Variants in F10 observed in about 807,000 individuals in gnomAD.
F10 encodes coagulation factor X, also known as Stuart-Prower factor.
A neutral mutation model predicts 37.1 loss-of-function variants in F10; 29 were observed. The ratio of observed to expected loss-of-function variants is 0.78; its 90% CI spans 0.58 to 1.07. F10 has a LOEUF of 1.07. Ranked by LOEUF, F10 falls within the 50% of genes least tolerant of loss-of-function variation. The pLI is 0.00. For synonymous variants in F10, 262 were observed against 268.6 expected, an observed-to-expected ratio of 0.98 and a Z score of 0.24; for missense variants, 539 against 667.9, an observed-to-expected ratio of 0.81 and a Z score of 2.13.
intron 2 of F10, among the ~76,000 whole-genome samples, chr13:113,136,633 CTTTTTTTTTTT>C (rs1170291536): frequency 1.7e-4 from 1 of 6,020 alleles, no homozygotes; most frequent in African/African-American, 3.1e-4. Context: ...AATTCTTGTA[CTTTTTTTTTTT>C]TTTTTTTTTT....
chr13:113,131,302 T>G (rs1324219295), intron 2 of F10: 1 of 152,230 alleles, frequency 6.6e-6, no homozygotes, highest in Non-Finnish European at 1.5e-5. Context: ...AATAAGAGAA[T>G]GTATTTGATT....
chr13:113,142,716 A>C (rs1350507600), intron 5 of F10, among the ~76,000 whole-genome samples: 2 of 147,446 alleles, frequency 1.4e-5, no homozygotes, highest in Non-Finnish European at 3.0e-5. Context: ...ACCTGAGGTC[A>C]GGAGTTCAAG....
chr13:113,149,472 C>A lies in F10; in HGVS notation c.1422C>A (p.Ala474=), dbSNP rs1347133241. 1 of 1,613,204 alleles carries A rather than the reference C, an allele frequency of 6.2e-7. No homozygotes were observed. Among genetic ancestry groups the A allele is most frequent in the African/African-American group, 1.3e-5 (1 of 74,952 alleles). ...RSMKTRGLPK[A]KSHAPEVITS... ...TGAAAACCAGGGGCTTGCCCAAGGC[C>A]AAGAGCCATGCCCCGGAGGTCATAA... is the stretch of plus-strand genomic sequence containing the variant. Residue 474 remains alanine, a synonymous_variant, in exon 8 of 8, where the codon GCC becomes GCA. Transcript: ENST00000375559. The surrounding 1 kb of genome is among the most constrained non-coding windows in gnomAD (Gnocchi z 7.5).
At position 113,149,369 on chromosome 13, in the gene F10, G is replaced by A; in HGVS notation, c.1319G>A (p.Gly440Glu). The A allele has an allele frequency of 6.2e-7, 1 of 1,613,372 alleles. No individual in the cohort carries two copies. Among genetic ancestry groups the A allele is most frequent in the Non-Finnish European group, 8.5e-7 (1 of 1,179,920 alleles). Residue 440 changes from glycine to glutamate, a missense_variant, in exon 8 of 8, where the codon GGA becomes GAA. Gly to Glu is a moderately conservative substitution (Grantham distance 98, BLOSUM62 -2). This residue lies in a region of F10 where 409 missense variants were observed against 547.9 expected (regional missense o/e 0.75). Coordinates refer to ENST00000375559, the MANE Select transcript of F10 (RefSeq NM_000504.4). The surrounding 1 kb of genome is among the most constrained non-coding windows in gnomAD (Gnocchi z 7.5). ...TTCGTGACAGGCATCGTCAGCTGGGGAGAGGGCTGTGCCCGTAAGGGGAAG... is the reference window on the plus strand; with the variant it reads ...TTCGTGACAGGCATCGTCAGCTGGGAAGAGGGCTGTGCCCGTAAGGGGAAG... ...TYFVTGIVSWGEGCARKGKYG... is the reference protein window; with the variant it reads ...TYFVTGIVSWEEGCARKGKYG...
Position 113,139,743 on chromosome 13 carries a change from G to A in F10, c.370+273G>A, listed in dbSNP as rs1384445614. 1.3e-5 allele frequency among the ~76,000 whole-genome samples: 2 copies of A among 151,932 alleles called. No individual in the cohort carries two copies. The highest frequency in any genetic ancestry group is 4.8e-5 in the African/African-American group (2 of 41,350). On this transcript the variant is annotated intron_variant, in intron 4 of 7. Coordinates refer to ENST00000375559, the MANE Select transcript of F10 (RefSeq NM_000504.4). This position sits in a 1 kb window ranked among gnomAD's most constrained non-coding sequence, Gnocchi z 5.2. ...AGAGACTGTAGAACATTGATGAAGC[G>A]TGTGATCCATTCATGTGTAAACAGG...
At chr13:113,130,131 C>T in intron 2 of F10, 1 of 193,468 alleles carries the variant, frequency 5.2e-6, no homozygotes, top group South Asian at 9.5e-5. Flanking sequence ...GGCCGGGCGG[C>T]GAACCCGGCA....
intron 2 of F10, chr13:113,130,839 A>G (rs1378896131): frequency 6.6e-6 from 1 of 152,266 alleles, no homozygotes; most frequent in African/African-American, 2.4e-5. Flanking sequence ...TCAAGGAATT[A>G]TAAGTCAATA....
Position 113,141,093 on chromosome 13 carries a change from C to T in F10, c.502+43C>T, listed in dbSNP as rs548677950. On this transcript the variant is annotated intron_variant, in intron 5 of 7. Transcript: ENST00000375559. This position sits in a 1 kb window ranked among gnomAD's most constrained non-coding sequence, Gnocchi z 5.4. ...CCACAGCCACCCGCTGCCGCTGGGC[C>T]GGGCCAGGGAGGACAAGCCCGTGCC... The T allele has an allele frequency of 1.5e-4, 243 of 1,610,220 alleles. 3 individuals carry two copies. The South Asian group carries it at 2.0e-3, about 13-fold the overall frequency.
rs45484091 is a variant in F10, at chr13:113,146,412, G to T, written c.748-967G>T. Among the ~76,000 whole-genome samples, 13 of 152,150 alleles carry T rather than the reference G, an allele frequency of 8.5e-5. No homozygotes were observed. Among genetic ancestry groups the T allele is most frequent in the African/African-American group, 3.1e-4 (13 of 41,436 alleles). ...TGGAGCTGCAGGCGGGGTTTTGGAG[G>T]GGTTCCTGGGCTGGGGGACCAGGGT... On this transcript the variant is annotated intron_variant, in intron 6 of 7. Coordinates refer to ENST00000375559, the MANE Select transcript of F10 (RefSeq NM_000504.4). This position sits in a 1 kb window ranked among gnomAD's most constrained non-coding sequence, Gnocchi z 4.5.
chr13:113,125,166 C>A (rs1322556574), intron 1 of F10, among the ~76,000 whole-genome samples: 1 of 152,226 alleles, frequency 6.6e-6, no homozygotes, highest in Non-Finnish European at 1.5e-5. Flanking sequence ...CCCTGTCCTG[C>A]CACCTGTGAG....
chr13:113,123,028 C>G, intron 1 of F10, 103 bp downstream of exon 1: 1 of 1,343,996 alleles, frequency 7.4e-7, no homozygotes, highest in Non-Finnish European at 1.0e-6. Flanking sequence ...CGGTGGGTGC[C>G]TTGAGTGCTG....
intron 4 of F10, chr13:113,140,619 G>A (rs1595094050): frequency 1.6e-6 from 1 of 608,734 alleles, no homozygotes; most frequent in Non-Finnish European, 3.2e-6. Flanking sequence ...CACACAGAGG[G>A]ATGTGGAGTG....
At position 113,141,391 on chromosome 13, in the gene F10, T is replaced by G. The variant is rs527772414; in HGVS notation, c.502+341T>G. On this transcript the variant is annotated intron_variant, in intron 5 of 7. Coordinates refer to ENST00000375559, the MANE Select transcript of F10 (RefSeq NM_000504.4). The surrounding 1 kb of genome is among the most constrained non-coding windows in gnomAD (Gnocchi z 5.4). ...GCCCACCGCAGGCCCTCAGTCTGCA[T>G]TGGGACTGTGGGGGGATCCAGTGCA... Among the ~76,000 whole-genome samples the G allele has an allele frequency of 6.6e-6, 1 of 152,156 alleles. No homozygotes were observed. The highest frequency in any genetic ancestry group is 2.4e-5 in the African/African-American group (1 of 41,448).
chr13:113,148,374 A>G lies in F10; in HGVS notation c.866-542A>G, dbSNP rs1352386096. On this transcript the variant is annotated intron_variant, in intron 7 of 7. Coordinates refer to ENST00000375559, the MANE Select transcript of F10 (RefSeq NM_000504.4). ...TATATATATATATATGTATATATATATGTGTATATATATATACATATATAT... is the reference window on the plus strand; with the variant it reads ...TATATATATATATATGTATATATATGTGTGTATATATATATACATATATAT... Among the ~76,000 whole-genome samples the G allele has an allele frequency of 1.0e-4, 7 of 69,554 alleles. No homozygotes were observed. The South Asian group carries it at 2.9e-3, about 29-fold the overall frequency. 45.6% of individuals were successfully genotyped at this position (69,554 alleles called of 152,430 possible). A position where few individuals can be genotyped will look rare whatever the true frequency, so the allele number is the denominator to read the frequency against.
chr13:113,147,528 G>C (rs751012368), intron 7 of F10, 32 bp downstream of exon 7: 2 of 1,351,644 alleles, frequency 1.5e-6, no homozygotes, highest in Admixed American at 3.3e-5. Flanking sequence ...GGGCCGTGGT[G>C]AGGGGCACCG....
Position 113,143,838 on chromosome 13 carries a change from C to G in F10, c.503-13C>G. The G allele has an allele frequency of 6.2e-7, 1 of 1,611,568 alleles. No homozygotes were observed. On this transcript the variant is annotated splice_polypyrimidine_tract_variant and intron_variant, in intron 5 of 7. Transcript: ENST00000375559. This position sits in a 1 kb window ranked among gnomAD's most constrained non-coding sequence, Gnocchi z 6.8. The stretch of plus-strand genomic sequence containing the variant: ...CTCTGTGCTGAAGGCCCCGGCCGTC[C>G]TCTTTCTTTCAGGGCCCTACCCCTG...
In F10 at chr13:113,146,293, C is replaced by G. The variant is rs1222236488; in HGVS notation, c.748-1086C>G. Among the ~76,000 whole-genome samples, 1 of 152,136 alleles carries G rather than the reference C, an allele frequency of 6.6e-6. No individual in the cohort carries two copies. The highest frequency in any genetic ancestry group is 1.5e-5 in the Non-Finnish European group (1 of 68,032). ...AGCTGAGACCGAAATCCTCCCAGTC[C>G]CAGGCACTGTGTGGTTGGGGCAAGA... On this transcript the variant is annotated intron_variant, in intron 6 of 7. Transcript: ENST00000375559. The surrounding 1 kb of genome is among the most constrained non-coding windows in gnomAD (Gnocchi z 4.5).
intron 2 of F10, chr13:113,129,956 T>C (rs899652442): frequency 2.8e-6 from 1 of 352,916 alleles, no homozygotes; most frequent in Non-Finnish European, 5.6e-6. Context: ...CCTCGCCGAG[T>C]TGCAGTGAGC....
At chr13:113,138,076 G>C (rs3211764) in intron 2 of F10, among the ~76,000 whole-genome samples, 61,939 of 152,080 alleles carry the variant, frequency 0.41, 13,741 homozygotes, top group East Asian at 0.51. Context: ...CTAACGTAAT[G>C]ACTATTGACA....
Sources: gnomAD v4.1 joint callset for allele counts (sites outside exome capture counted in the v4.1 genomes callset) on GRCh38, gnomAD v4.1.1 for gene constraint, gnomAD v4.1.1 regional missense constraint, Gnocchi (gnomAD v3.1) non-coding constraint, MANE v1.5 for transcripts, NCBI Gene and HGNC (gene_info 2026-07-23, HGNC 2026-07-21) for gene names.